The following DENND2C variants were observed in gnomAD, a reference collection of about 807,000 sequenced individuals.
The protein encoded by DENND2C is DENN domain-containing protein 2C.
In DENND2C, 72 loss-of-function variants were observed where a neutral mutation model predicts 112.4. The observed-to-expected ratio is 0.64, with a 90% CI of 0.53 to 0.78. The LOEUF (loss-of-function observed/expected upper bound fraction) is 0.78. Ranked by LOEUF, DENND2C falls within the 30% of genes least tolerant of loss-of-function variation. The pLI is 0.00. For synonymous variants in DENND2C, 329 were observed against 381.6 expected, an observed-to-expected ratio of 0.86 and a Z score of 1.61; for missense variants, 992 against 1,113.8, an observed-to-expected ratio of 0.89 and a Z score of 1.56.
intron 10 of DENND2C, 52 bp downstream of exon 10, chr1:114,608,634 A>G (rs1570768099): frequency 1.9e-6 from 3 of 1,575,572 alleles, no homozygotes; most frequent in Non-Finnish European, 1.7e-6. Flanking sequence ...AAATACATGT[A>G]CACAGAGACA....
chr1:114,588,051 T>A (rs759523112), intron 18 of DENND2C, 99 bp from the exon 19 acceptor site: 1 of 992,340 alleles, frequency 1.0e-6, no homozygotes, highest in Non-Finnish European at 1.5e-6. Flanking sequence ...TAAGAAGTTA[T>A]AGATTAAAGG....
rs756289394 is a variant in DENND2C, at chr1:114,608,851, T to C, written c.1392A>G (p.Gln464=). 1 of 1,614,186 alleles carries C rather than the reference T, an allele frequency of 6.2e-7. No individual in the cohort carries two copies. Among genetic ancestry groups the C allele is most frequent in the South Asian group, 1.1e-5 (1 of 91,084 alleles). ...LPKNRHKRLA[Q]LQPSSKRNPH... ...GATTCCTCTTGGAAGACGGTTGCAG[T>C]TGTGCTAAGCGTTTATGGCGATCTG... Residue 464 remains glutamine (Q), a synonymous_variant, in exon 10 of 21, where the codon CAA becomes CAG. Coordinates refer to ENST00000393274, the MANE Select transcript of DENND2C (RefSeq NM_001256404.2).
At chr1:114,662,397 C>A (rs1196844827) in intron 1 of DENND2C, among the ~76,000 whole-genome samples, 1 of 151,960 alleles carries the variant, frequency 6.6e-6, no homozygotes, top group African/African-American at 2.4e-5. Flanking sequence ...ATTTTAACAT[C>A]CAAACAAAAA....
chr1:114,610,355 A>G (rs1181986845), intron 9 of DENND2C, among the ~76,000 whole-genome samples: 3 of 152,216 alleles, frequency 2.0e-5, no homozygotes, highest in Admixed American at 6.5e-5. Context: ...TCCTTTTTCA[A>G]TGTCAGAGAT....
At chr1:114,648,650 C>T (rs938075987) in intron 2 of DENND2C, among the ~76,000 whole-genome samples, 1 of 152,074 alleles carries the variant, frequency 6.6e-6, no homozygotes, top group African/African-American at 2.4e-5. Flanking sequence ...GGGACTGAAA[C>T]CTCAAGACAA....
chr1:114,645,115 T>C (rs1211493464), intron 3 of DENND2C, among the ~76,000 whole-genome samples: 2 of 152,206 alleles, frequency 1.3e-5, no homozygotes, highest in Non-Finnish European at 2.9e-5. Flanking sequence ...GTGGTTTTTT[T>C]TGATACAGTG....
chr1:114,668,306 A>C (rs1657700207), intron 1 of DENND2C, among the ~76,000 whole-genome samples: 1 of 152,194 alleles, frequency 6.6e-6, no homozygotes, highest in South Asian at 2.1e-4. Flanking sequence ...AGCAACACAC[A>C]CAAAAATTAC....
At chr1:114,641,260 CAA>C (rs11316853) in intron 3 of DENND2C, among the ~76,000 whole-genome samples, 108 of 98,988 alleles carry the variant, frequency 1.1e-3, no homozygotes, top group Middle Eastern at 4.6e-3. Flanking sequence ...GATCCTTTCT[CAA>C]AAAAAAAAAA....
chr1:114,625,741 C>G lies in DENND2C; in HGVS notation c.244G>C (p.Asp82His), dbSNP rs1166964417. 12 of 1,614,062 alleles carry G rather than the reference C, an allele frequency of 7.4e-6. No homozygotes were observed. In the East Asian group the frequency reaches 2.7e-4, roughly 36 times the overall value. ...TGGCTTTTGGTATTTTCATTTATAT[C>G]TAGACCCACATTTTCACGGCTGGTT... is the stretch of plus-strand genomic sequence containing the variant. The part of the protein sequence containing the change: ...DVTSRENVGL[D>H]INENTKSHDQ... Residue 82 changes from aspartate to histidine, a missense_variant, in exon 4 of 21, where the codon GAT becomes CAT. Physicochemically the swap from Asp to His is moderately conservative, Grantham distance 81. Coordinates refer to ENST00000393274, the MANE Select transcript of DENND2C (RefSeq NM_001256404.2).
chr1:114,616,050 G>T (rs1305917578), intron 8 of DENND2C, among the ~76,000 whole-genome samples: 2 of 152,124 alleles, frequency 1.3e-5, no homozygotes, highest in African/African-American at 4.8e-5. Context: ...ACTCCAGCCT[G>T]GGTGACAGAG....
intron 4 of DENND2C, among the ~76,000 whole-genome samples, chr1:114,624,315 T>C (rs1278911551): frequency 6.6e-6 from 1 of 152,170 alleles, no homozygotes; most frequent in African/African-American, 2.4e-5. Context: ...TTTTATGTTA[T>C]TTTAGAGGCA....
At chr1:114,641,054 C>T (rs993401439) in intron 3 of DENND2C, among the ~76,000 whole-genome samples, 1 of 151,804 alleles carries the variant, frequency 6.6e-6, no homozygotes, top group Non-Finnish European at 1.5e-5. Flanking sequence ...AAAAAAAAAT[C>T]TTTCTAAAAT....
At chr1:114,595,971 G>T in intron 16 of DENND2C, 98 bp from the exon 17 acceptor site, 1 of 1,157,524 alleles carries the variant, frequency 8.6e-7, no homozygotes, top group Non-Finnish European at 1.3e-6. Flanking sequence ...CAAAGTTTCA[G>T]CCCATTTAAA....
At chr1:114,667,828 T>G (rs1352844650) in intron 1 of DENND2C, among the ~76,000 whole-genome samples, 1 of 152,174 alleles carries the variant, frequency 6.6e-6, no homozygotes, top group Non-Finnish European at 1.5e-5. Context: ...GGTTGTCTAA[T>G]CATGGGCAAG....
intron 3 of DENND2C, among the ~76,000 whole-genome samples, chr1:114,635,592 A>T (rs1054093485): frequency 5.3e-5 from 8 of 152,236 alleles, no homozygotes; most frequent in Non-Finnish European, 1.2e-4. Flanking sequence ...GGAAGTAGAA[A>T]CAATTTCAAC....
chr1:114,584,050 T>G lies in DENND2C; in HGVS notation c.*1550A>C, dbSNP rs1654976175. The stretch of plus-strand genomic sequence containing the variant: ...AAAAAGAGTCTCATCTAGGCACCTA[T>G]AAAGTTCCTTATCCTCAGAGCTGAA... On this transcript the variant is annotated 3_prime_UTR_variant, in exon 21 of 21. Coordinates refer to ENST00000393274, the MANE Select transcript of DENND2C (RefSeq NM_001256404.2). The G allele has an allele frequency of 6.6e-6, 1 of 152,132 alleles. No individual in the cohort carries two copies. Among genetic ancestry groups the G allele is most frequent in the African/African-American group, 2.4e-5 (1 of 41,428 alleles). The allele number at this position is 152,132 out of a possible 1,614,324, so 9.4% of individuals were successfully genotyped here. A position where few individuals can be genotyped will look rare whatever the true frequency, so the allele number is the denominator to read the frequency against.
intron 3 of DENND2C, among the ~76,000 whole-genome samples, chr1:114,643,720 C>T (rs1656904804): frequency 6.6e-6 from 1 of 152,082 alleles, no homozygotes; most frequent in African/African-American, 2.4e-5. Flanking sequence ...ATTAGTAAAT[C>T]AAGAAATATG....
intron 8 of DENND2C, among the ~76,000 whole-genome samples, chr1:114,616,823 C>T (rs776833704): frequency 3.9e-4 from 60 of 152,084 alleles, no homozygotes; most frequent in Non-Finnish European, 7.8e-4. Context: ...CCATTGCACT[C>T]CAGCCTTGGC....
chr1:114,665,840 T>C (rs1657631800), intron 1 of DENND2C, among the ~76,000 whole-genome samples: 1 of 152,218 alleles, frequency 6.6e-6, no homozygotes, highest in Non-Finnish European at 1.5e-5. Context: ...CCTCTTCTCT[T>C]CTAATTCTAC....
Sources: allele counts gnomAD v4.1 joint callset (sites outside exome capture counted in the v4.1 genomes callset), GRCh38; gene constraint gnomAD v4.1.1; transcripts MANE v1.5; gene names NCBI Gene and HGNC (gene_info 2026-07-23, HGNC 2026-07-21).